Variants in PGAP1 observed in about 807,000 individuals in gnomAD.
PGAP1 encodes GPI inositol-deacylase.
In PGAP1, 76 loss-of-function variants were observed where a neutral mutation model predicts 127.0. The ratio of observed to expected loss-of-function variants is 0.60; its 90% CI spans 0.50 to 0.72. The LOEUF is 0.72. Ranked by LOEUF, PGAP1 falls within the 30% of genes least tolerant of loss-of-function variation. The pLI is 0.00. For synonymous variants in PGAP1, 362 were observed against 366.5 expected, an observed-to-expected ratio of 0.99 and a Z score of 0.14; for missense variants, 982 against 1,071.3, an observed-to-expected ratio of 0.92 and a Z score of 1.16.
rs182341586 is a variant in PGAP1 at position 196,898,225 on chromosome 2, A to T, written c.860+92T>A. On this transcript the variant is annotated intron_variant, in intron 6 of 26. Coordinates refer to ENST00000354764, the MANE Select transcript of PGAP1 (RefSeq NM_024989.4). ...AGAGCGAGACTCTGTCTCAAAAAAAAAAAAAAGTTAACAAGCCAATTAAAT... is the reference window on the plus strand; with the variant it reads ...AGAGCGAGACTCTGTCTCAAAAAAATAAAAAAGTTAACAAGCCAATTAAAT... 697 of 953,276 alleles carry T rather than the reference A, an allele frequency of 7.3e-4. 7 individuals are homozygous for T. In the East Asian group the frequency reaches 9.8e-3, roughly 13 times the overall value. The allele number at this position is 953,276 out of a possible 1,614,324, so 59.1% of individuals were successfully genotyped here. A position where few individuals can be genotyped will look rare whatever the true frequency, so the allele number is the denominator to read the frequency against.
chr2:196,878,240 C>T (rs442835), intron 13 of PGAP1, among the ~76,000 whole-genome samples: 1 of 151,960 alleles, frequency 6.6e-6, no homozygotes, highest in Admixed American at 6.6e-5. Context: ...TATACATAAT[C>T]ACATATCTTG....
In PGAP1 at chr2:196,847,017, C is replaced by G. The variant is rs1700574362; in HGVS notation, c.2136G>C (p.Trp712Cys). 6.2e-7 allele frequency: 1 copy of G among 1,612,694 alleles called. No individual in the cohort carries two copies. The highest frequency in any genetic ancestry group is 8.5e-7 in the Non-Finnish European group (1 of 1,179,240). ...TCATTCTTTACCTTTTCAAAGCTAG[C>G]CACAATGAAGAAAGAAGTCTCACAG... ...SASVRLLSSL[W>C]LALKRPSELP... is the part of the protein sequence containing the mutation. Residue 712 changes from tryptophan to cysteine, a missense_variant, in exon 22 of 27, where the codon TGG becomes TGC. Transcript: ENST00000354764.
At chr2:196,882,107 A>G (rs1455130321) in intron 12 of PGAP1, among the ~76,000 whole-genome samples, 1 of 152,086 alleles carries the variant, frequency 6.6e-6, no homozygotes, top group Non-Finnish European at 1.5e-5. Context: ...GAATAGGAAA[A>G]CTTTTCCCCA....
rs1703014125 is a variant in PGAP1, at chr2:196,916,519, C to T, written c.376G>A (p.Val126Met). The T allele has an allele frequency of 6.2e-7, 1 of 1,613,624 alleles. No homozygotes were observed. Among genetic ancestry groups the T allele is most frequent in the Non-Finnish European group, 8.5e-7 (1 of 1,179,792 alleles). Residue 126 changes from valine (V) to methionine (M), a missense_variant, in exon 3 of 27, where the codon GTG becomes ATG. By Grantham distance (21) the Val-to-Met change is conservative. Coordinates refer to ENST00000354764, the MANE Select transcript of PGAP1 (RefSeq NM_024989.4). ...GCCACCAGTTCTTCATTGAAGTTCA[C>T]ACTAAAGAAGTCAAAGTGGTACTTG... ...DFKYHFDFFSVNFNEELVALY... is the reference protein window; with the variant it reads ...DFKYHFDFFSMNFNEELVALY...
chr2:196,873,469 C>T, intron 16 of PGAP1, 59 bp downstream of exon 16: 1 of 1,256,906 alleles, frequency 8.0e-7, no homozygotes, highest in Non-Finnish European at 1.1e-6. Flanking sequence ...GAGTTAACAC[C>T]TATTGAGTCT....
intron 2 of PGAP1, among the ~76,000 whole-genome samples, chr2:196,918,531 GATGA>G (rs1404473747): frequency 6.6e-6 from 1 of 152,100 alleles, no homozygotes; most frequent in Non-Finnish European, 1.5e-5. Flanking sequence ...CAACAACTTG[GATGA>G]ATGTTAAAGA....
intron 13 of PGAP1, among the ~76,000 whole-genome samples, chr2:196,879,651 C>A (rs932012855): frequency 2.0e-5 from 3 of 152,006 alleles, no homozygotes; most frequent in African/African-American, 7.2e-5. Flanking sequence ...GCCAAGGTTG[C>A]GCCACTGCAC....
rs1392530446 is a variant in PGAP1, at chr2:196,839,653, C to G, written c.*1581G>C. On this transcript the variant is annotated 3_prime_UTR_variant, in exon 27 of 27. Transcript: ENST00000354764. ...CCCTCAGAGATGAGAGCAAGACTCC[C>G]TTCAACTGAGGCCAAAATAGCCAGG... 2 of 152,212 alleles carry G rather than the reference C, an allele frequency of 1.3e-5. No homozygotes were observed. Among genetic ancestry groups the G allele is most frequent in the Non-Finnish European group, 1.5e-5 (1 of 68,052 alleles). The allele number at this position is 152,212 out of a possible 1,614,324, so 9.4% of individuals were successfully genotyped here.
chr2:196,841,111 T>C lies in PGAP1; in HGVS notation c.*123A>G. 1 of 1,072,354 alleles carries C rather than the reference T, an allele frequency of 9.3e-7. No individual in the cohort carries two copies. Among genetic ancestry groups the C allele is most frequent in the South Asian group, 1.9e-5 (1 of 51,682 alleles). The allele number at this position is 1,072,354 out of a possible 1,614,324, so 66.4% of individuals were successfully genotyped here. On this transcript the variant is annotated 3_prime_UTR_variant, in exon 27 of 27. Coordinates refer to ENST00000354764, the MANE Select transcript of PGAP1 (RefSeq NM_024989.4). ...TACAAAACTAATTTCCTATTTTCAA[T>C]ATTGTAAAAATAGACTTGTCTTCTC...
chr2:196,918,525 A>G (rs745628733), intron 2 of PGAP1, among the ~76,000 whole-genome samples: 6 of 152,180 alleles, frequency 3.9e-5, no homozygotes, highest in Non-Finnish European at 5.9e-5. Flanking sequence ...CTCACACAAC[A>G]ACTTGGATGA....
At chr2:196,885,224 T>TA (rs200786195) in intron 12 of PGAP1, among the ~76,000 whole-genome samples, 200 bp downstream of exon 12, 1,562 of 151,962 alleles carry the variant, frequency 0.01, 10 homozygotes, top group Middle Eastern at 0.024. Context: ...TCTCTGAAAG[T>TA]AAAAAAAATA....
chr2:196,922,274 A>T, intron 1 of PGAP1: 1 of 1,181,038 alleles, frequency 8.5e-7, no homozygotes. Flanking sequence ...CTATTTTATG[A>T]TATTACTTAA....
At chr2:196,892,475 C>A in intron 8 of PGAP1, 74 bp from the exon 9 acceptor site, 1 of 670,288 alleles carries the variant, frequency 1.5e-6, no homozygotes, top group Non-Finnish European at 2.6e-6. Flanking sequence ...TCTTTGAATC[C>A]TGGTGAAATA....
At chr2:196,919,344 C>T (rs1029242954) in intron 2 of PGAP1, among the ~76,000 whole-genome samples, 1 of 152,200 alleles carries the variant, frequency 6.6e-6, no homozygotes, top group Admixed American at 6.5e-5. Context: ...GATGAATAAA[C>T]ACGTAAATAA....
At chr2:196,857,883 T>C (rs546547060) in intron 20 of PGAP1, among the ~76,000 whole-genome samples, 1 of 149,256 alleles carries the variant, frequency 6.7e-6, no homozygotes, top group African/African-American at 2.6e-5. Flanking sequence ...TGTAATCCTT[T>C]TTATTTTTCC....
chr2:196,869,344 ATT>A (rs199656819), intron 19 of PGAP1, among the ~76,000 whole-genome samples: 4 of 151,102 alleles, frequency 2.6e-5, no homozygotes, highest in Admixed American at 2.0e-4. Flanking sequence ...GTCCCTTAAC[ATT>A]TTTTTTTGAG....
In PGAP1 at chr2:196,875,795, T is replaced by C; in HGVS notation, c.1377A>G (p.Lys459=). The change falls in exon 14 of 27, where the codon AAA becomes AAG. Residue 459 remains lysine, a synonymous_variant. Coordinates refer to ENST00000354764, the MANE Select transcript of PGAP1 (RefSeq NM_024989.4). ...SKFVVDCEFF[K]KEKRYIQLPV... ...GAAGCTGTATGTATCTTTTCTCTTT[T>C]TTAAAGAATTCACAATCTACAACAA... 6.6e-7 allele frequency: 1 copy of C among 1,525,770 alleles called. No homozygotes were observed. The allele number at this position is 1,525,770 out of a possible 1,614,324, so 94.5% of individuals were successfully genotyped here.
chr2:196,870,884 T>A (rs1204217044), intron 19 of PGAP1, 57 bp downstream of exon 19: 76 of 1,464,350 alleles, frequency 5.2e-5, no homozygotes, highest in Non-Finnish European at 6.7e-5. Context: ...CAACCCTTCC[T>A]TAGAGTTATC....
chr2:196,899,592 G>T (rs946750492), intron 5 of PGAP1, among the ~76,000 whole-genome samples: 1 of 152,236 alleles, frequency 6.6e-6, no homozygotes, highest in African/African-American at 2.4e-5. Flanking sequence ...ATTAATGCAT[G>T]TGTGCTAGAG....
Sources: gnomAD v4.1 joint callset for allele counts (sites outside exome capture counted in the v4.1 genomes callset) on GRCh38, gnomAD v4.1.1 for gene constraint, MANE v1.5 for transcripts, NCBI Gene and HGNC (gene_info 2026-07-23, HGNC 2026-07-21) for gene names.